CACNA1E: variants seen among roughly 807,000 people sequenced by gnomAD.
The protein encoded by CACNA1E is calcium voltage-gated channel subunit alpha1 E.
A neutral mutation model predicts 259.2 loss-of-function variants in CACNA1E; 40 were observed. The observed-to-expected ratio is 0.15, with a 90% CI of 0.12 to 0.20. The LOEUF (loss-of-function observed/expected upper bound fraction) is 0.20, where lower values mean the gene tolerates loss of function less well. Ranked by LOEUF, CACNA1E falls within the 10% of genes least tolerant of loss-of-function variation. CACNA1E has a pLI of 1.00. For synonymous variants in CACNA1E, 1,104 were observed against 1,138.5 expected (o/e 0.97, Z 0.61); for missense variants, 1,874 against 3,040.1 (o/e 0.62, Z 9.02).
At chr1:181,604,262 C>T (rs1198359830) in intron 6 of CACNA1E, among the ~76,000 whole-genome samples, 5 of 152,194 alleles carry the variant, frequency 3.3e-5, no homozygotes, top group Admixed American at 2.0e-4. Flanking sequence ...TTTTGGGGAA[C>T]CCTCCCTGCT....
rs565153927 is a variant in CACNA1E at position 181,793,486 on chromosome 1, G to A, written c.5899-179G>A. On this transcript the variant is annotated intron_variant, in intron 44 of 47. Coordinates refer to ENST00000367573, the MANE Select transcript of CACNA1E (RefSeq NM_001205293.3). ...CAATCCCAGCTAGAGCTTCCTGTCC[G>A]GAACATATAGCACATAGGTGCACAT... Among the ~76,000 whole-genome samples, 7 of 152,140 alleles carry A rather than the reference G, an allele frequency of 4.6e-5. No homozygotes were observed. In the South Asian group the frequency reaches 8.3e-4, roughly 18 times the overall value.
chr1:181,346,067 C>G (rs1652569597), intron 1 of CACNA1E, among the ~76,000 whole-genome samples: 1 of 152,190 alleles, frequency 6.6e-6, no homozygotes, highest in Non-Finnish European at 1.5e-5. Flanking sequence ...GGAATGGAGA[C>G]CCCTGCACAG....
intron 6 of CACNA1E, among the ~76,000 whole-genome samples, chr1:181,583,645 C>A (rs1290814035): frequency 6.6e-6 from 1 of 152,168 alleles, no homozygotes; most frequent in Non-Finnish European, 1.5e-5. Flanking sequence ...CCTTGTGTTG[C>A]TCTGCCAATG....
chr1:181,660,549 C>A (rs1034691828), intron 7 of CACNA1E, among the ~76,000 whole-genome samples: 19 of 152,140 alleles, frequency 1.2e-4, no homozygotes, highest in African/African-American at 4.3e-4. Flanking sequence ...TAGGTCTTGG[C>A]CACAATGGGC....
chr1:181,377,220 A>G (rs141865353), intron 1 of CACNA1E, among the ~76,000 whole-genome samples: 32 of 152,324 alleles, frequency 2.1e-4, no homozygotes, highest in African/African-American at 7.5e-4. Context: ...AATAGACTTT[A>G]TAAGAGAGGT....
chr1:181,743,298 C>G (rs1656752086), intron 25 of CACNA1E, among the ~76,000 whole-genome samples: 1 of 152,222 alleles, frequency 6.6e-6, no homozygotes, highest in African/African-American at 2.4e-5. Flanking sequence ...CCTCTTTTAT[C>G]TTTTTCTTTC....
At position 181,380,795 on chromosome 1, in the gene CACNA1E, TA is replaced by T. The variant is rs540048810; in HGVS notation, c.-14-32329del. 5.8e-3 allele frequency among the ~76,000 whole-genome samples: 875 copies of T among 151,762 alleles called. 5 individuals carry two copies. Among genetic ancestry groups the T allele is most frequent in the Middle Eastern group, 0.017 (5 of 294 alleles). On this transcript the variant is annotated intron_variant, in intron 1 of 11. Transcript: ENST00000524607. ...TATGTTGGAAAACAGTTTAGCAGTT[TA>T]AAAAAAAATTAAACATATACCTACA...
At chr1:181,565,565 C>T (rs558362877) in intron 3 of CACNA1E, among the ~76,000 whole-genome samples, 1 of 152,326 alleles carries the variant, frequency 6.6e-6, no homozygotes, top group East Asian at 1.9e-4. Flanking sequence ...GAACTTCCTG[C>T]CCCTGATCCT....
rs1235698981 is a variant in CACNA1E, at chr1:181,776,308, G to A, written c.5267+80G>A. ...TCCCAGGGAAGAGGCTGGAATTGGA[G>A]CCACCCAAATGCCTGCCTGTTACAG... is the stretch of plus-strand genomic sequence containing the variant. On this transcript the variant is annotated intron_variant, in intron 38 of 47. Transcript: ENST00000367573. This position sits in a 1 kb window ranked among gnomAD's most constrained non-coding sequence, Gnocchi z 4.4. 1.4e-6 allele frequency: 2 copies of A among 1,464,352 alleles called. No individual in the cohort carries two copies. The highest frequency in any genetic ancestry group is 1.7e-5 in the Admixed American group (1 of 59,172). 90.7% of individuals were successfully genotyped at this position (1,464,352 alleles called of 1,614,324 possible). A position where few individuals can be genotyped will look rare whatever the true frequency, so the allele number is the denominator to read the frequency against.
chr1:181,357,850 T>C lies in CACNA1E; in HGVS notation c.-15+39727T>C, dbSNP rs114425604. On this transcript the variant is annotated intron_variant, in intron 1 of 11. Coordinates refer to the CACNA1E transcript ENST00000524607. Reference sequence around the variant, plus strand: ...CACCATGCCTGGAATCTCTGCCTCTTAGCATCATGAATGAGGATGGCAAGG... The same window carrying C: ...CACCATGCCTGGAATCTCTGCCTCTCAGCATCATGAATGAGGATGGCAAGG... Among the ~76,000 whole-genome samples, 720 of 152,272 alleles carry C rather than the reference T, an allele frequency of 4.7e-3. 3 individuals are homozygous for C. Among genetic ancestry groups the C allele is most frequent in the African/African-American group, 0.017 (686 of 41,548 alleles).
chr1:181,756,753 G>T (rs1658122435), intron 29 of CACNA1E, among the ~76,000 whole-genome samples, 172 bp from the exon 30 acceptor site: 1 of 152,186 alleles, frequency 6.6e-6, no homozygotes, highest in Non-Finnish European at 1.5e-5. Context: ...GCTAGAAAGA[G>T]AAGTGGATTG....
intron 6 of CACNA1E, among the ~76,000 whole-genome samples, chr1:181,608,374 T>C (rs1161398858): frequency 1.3e-5 from 2 of 151,788 alleles, no homozygotes; most frequent in African/African-American, 2.4e-5. Context: ...TAGTGGGAAA[T>C]AGGATTTAAG....
At chr1:181,398,625 G>T (rs1319673768) in intron 1 of CACNA1E, among the ~76,000 whole-genome samples, 1 of 152,212 alleles carries the variant, frequency 6.6e-6, no homozygotes, top group Non-Finnish European at 1.5e-5. Context: ...CTGGAGCAGG[G>T]TGTGCGGAGT....
intron 1 of CACNA1E, among the ~76,000 whole-genome samples, chr1:181,321,734 G>T (rs1300018011): frequency 6.6e-6 from 1 of 152,188 alleles, no homozygotes; most frequent in Non-Finnish European, 1.5e-5. Flanking sequence ...ATGGCTGGGG[G>T]GAAAGGAGGC....
intron 1 of CACNA1E, among the ~76,000 whole-genome samples, chr1:181,509,245 C>T (rs1665971065): frequency 6.6e-6 from 1 of 152,134 alleles, no homozygotes; most frequent in East Asian, 1.9e-4. Flanking sequence ...CTTGCCCTCC[C>T]CAGAGATGCC....
intron 7 of CACNA1E, among the ~76,000 whole-genome samples, chr1:181,694,298 T>C (rs1035324592): frequency 2.0e-5 from 3 of 152,214 alleles, no homozygotes; most frequent in African/African-American, 7.2e-5. Context: ...TAAAACTTAC[T>C]AGTCCTTTAT....
intron 3 of CACNA1E, among the ~76,000 whole-genome samples, chr1:181,549,689 G>A (rs1647911672): frequency 6.6e-6 from 1 of 152,226 alleles, no homozygotes; most frequent in African/African-American, 2.4e-5. Context: ...GGTGTTGGCA[G>A]ATTTCTTCAG....
At chr1:181,491,830 C>T (rs962168931) in intron 1 of CACNA1E, among the ~76,000 whole-genome samples, 2 of 152,232 alleles carry the variant, frequency 1.3e-5, no homozygotes, top group Admixed American at 1.3e-4. Context: ...ACATGGTGAG[C>T]ATTCAGTAAA....
chr1:181,804,751 A>T lies in CACNA1E; in HGVS notation c.*5917A>T, dbSNP rs1662509124. On this transcript the variant is annotated 3_prime_UTR_variant, in exon 48 of 48. Coordinates refer to ENST00000367573, the MANE Select transcript of CACNA1E (RefSeq NM_001205293.3). Reference sequence around the variant, plus strand: ...ACTTAGTCTCCACAAAGCAATTTAGAAAAATCTTCACTTGTTAGATCCCAT... The same window carrying T: ...ACTTAGTCTCCACAAAGCAATTTAGTAAAATCTTCACTTGTTAGATCCCAT... The T allele has an allele frequency of 1.3e-5, 2 of 152,116 alleles. No individual in the cohort carries two copies. The highest frequency in any genetic ancestry group is 4.1e-4 in the South Asian group (2 of 4,824). The allele number at this position is 152,116 out of a possible 1,614,324, so 9.4% of individuals were successfully genotyped here.
Sources: allele counts gnomAD v4.1 joint callset (sites outside exome capture counted in the v4.1 genomes callset), GRCh38; gene constraint gnomAD v4.1.1; non-coding constraint Gnocchi (gnomAD v3.1); transcripts MANE v1.5; gene names NCBI Gene and HGNC (gene_info 2026-07-23, HGNC 2026-07-21).